Variants in ZNF710 observed in about 807,000 individuals in gnomAD.
The protein encoded by ZNF710 is zinc finger protein 710.
Under a neutral mutation model 50.6 loss-of-function variants are expected in ZNF710, and 13 were observed. That is an observed-to-expected ratio of 0.26 (90% CI 0.17 to 0.41). The LOEUF (loss-of-function observed/expected upper bound fraction) is 0.41. Ranked by LOEUF, ZNF710 falls within the 10% of genes least tolerant of loss-of-function variation. The pLI is 1.00. For missense variants in ZNF710, 721 were observed against 936.6 expected (o/e 0.77, Z 3.01); for synonymous variants, 383 against 397.0 (o/e 0.96, Z 0.42).
intron 1 of ZNF710, among the ~76,000 whole-genome samples, chr15:90,037,401 C>G (rs1319418439): frequency 6.6e-6 from 1 of 152,206 alleles, no homozygotes; most frequent in Non-Finnish European, 1.5e-5. Flanking sequence ...TGGGGCTTTT[C>G]TCCACTGATG....
At chr15:90,018,474 T>C (rs892795579) in intron 1 of ZNF710, among the ~76,000 whole-genome samples, 5 of 152,232 alleles carry the variant, frequency 3.3e-5, no homozygotes, top group African/African-American at 1.2e-4. Flanking sequence ...AGCTGGGGTT[T>C]TCCTACCGTG....
At chr15:90,000,500 G>A (rs1223781174), upstream of ZNF710, among the ~76,000 whole-genome samples, 1 of 151,980 alleles carries the variant, frequency 6.6e-6, no homozygotes, top group Non-Finnish European at 1.5e-5. Context: ...CAGGCCCTGG[G>A]CTCGGGGACC....
intron 1 of ZNF710, among the ~76,000 whole-genome samples, chr15:90,020,961 G>A (rs1405279881): frequency 2.6e-5 from 4 of 151,970 alleles, no homozygotes; most frequent in African/African-American, 7.3e-5. Flanking sequence ...GACCCACCAA[G>A]GGCATGAGTA....
chr15:90,042,996 C>T (rs745891848), intron 1 of ZNF710, among the ~76,000 whole-genome samples: 15 of 152,374 alleles, frequency 9.8e-5, no homozygotes, highest in Non-Finnish European at 1.8e-4. Context: ...CCAACCCACC[C>T]GCTTACCCTC....
intron 1 of ZNF710, among the ~76,000 whole-genome samples, chr15:90,043,993 A>C (rs996328292): frequency 2.6e-5 from 4 of 152,228 alleles, no homozygotes; most frequent in Admixed American, 6.5e-5. Flanking sequence ...TTTCAAGGGA[A>C]GAGACCAGTA....
intron 1 of ZNF710, among the ~76,000 whole-genome samples, chr15:90,031,294 G>A (rs1335636230): frequency 1.3e-5 from 2 of 152,110 alleles, no homozygotes; most frequent in Non-Finnish European, 2.9e-5. Flanking sequence ...ATAGACTCTC[G>A]GGATTGAAAT....
Position 90,073,223 on chromosome 15 carries a change from CAT to C in ZNF710, c.1612_1613del (p.Met538AspfsTer47). On this transcript the variant is annotated frameshift_variant, in exon 3 of 5. Coordinates refer to ENST00000268154, the MANE Select transcript of ZNF710 (RefSeq NM_198526.4). LOFTEE classifies it high-confidence loss of function. ...FVQKQTLKTHMIVHSPVKPFK... is the reference protein window; with the variant it reads ...FVQKQTLKTHXIVHSPVKPFK... Reference sequence around the variant, plus strand: ...TACAGAAGCAGACTCTCAAGACCCACATGATTGTACACTCGCCCGTGAAGCCA... The same window carrying C: ...TACAGAAGCAGACTCTCAAGACCCACGATTGTACACTCGCCCGTGAAGCCA... 1 of 1,614,204 alleles carries C rather than the reference CAT, an allele frequency of 6.2e-7. No individual in the cohort carries two copies. Among genetic ancestry groups the C allele is most frequent in the Non-Finnish European group, 8.5e-7 (1 of 1,180,020 alleles).
chr15:90,072,004 A>G (rs939356641), intron 2 of ZNF710, among the ~76,000 whole-genome samples: 3 of 150,576 alleles, frequency 2.0e-5, no homozygotes, highest in African/African-American at 7.4e-5. Flanking sequence ...GGGTCTTGCT[A>G]TGTTGTCCAC....
intron 1 of ZNF710, among the ~76,000 whole-genome samples, chr15:90,061,596 C>G (rs911640070): frequency 6.6e-6 from 1 of 152,192 alleles, no homozygotes; most frequent in African/African-American, 2.4e-5. Context: ...TTTTGGGTGT[C>G]TTCACCCACT....
intron 1 of ZNF710, among the ~76,000 whole-genome samples, chr15:90,026,663 T>C (rs1898790532): frequency 1.3e-5 from 2 of 152,278 alleles, no homozygotes; most frequent in African/African-American, 4.8e-5. Context: ...AATTCAATAA[T>C]ATATTAAACA....
intron 1 of ZNF710, among the ~76,000 whole-genome samples, chr15:90,047,229 G>A (rs1490652079): frequency 6.6e-6 from 1 of 152,212 alleles, no homozygotes; most frequent in African/African-American, 2.4e-5. Context: ...GCATCAAGGA[G>A]TCCAGCTCCT....
intron 1 of ZNF710, among the ~76,000 whole-genome samples, chr15:90,004,420 G>A (rs980964281): frequency 3.9e-5 from 6 of 152,206 alleles, no homozygotes; most frequent in South Asian, 2.1e-4. Flanking sequence ...GATGCTTGGC[G>A]CAGGCTCATA....
At chr15:90,036,378 AG>A (rs1030938544) in intron 1 of ZNF710, among the ~76,000 whole-genome samples, 2 of 152,002 alleles carry the variant, frequency 1.3e-5, no homozygotes, top group Non-Finnish European at 2.9e-5. Context: ...GAATGACACC[AG>A]GCGAGTGCTC....
rs538702197 is a variant in ZNF710 at position 90,038,306 on chromosome 15, CCTAA to C, written c.-28-28801_-28-28798del. On this transcript the variant is annotated intron_variant, in intron 1 of 4. Coordinates refer to ENST00000268154, the MANE Select transcript of ZNF710 (RefSeq NM_198526.4). Reference sequence around the variant, plus strand: ...AACTCACCCACGTGGTGTGTTTCCTCCTAACTCTTTAGTTTGAAATTTTCAAACT... The same window carrying C: ...AACTCACCCACGTGGTGTGTTTCCTCCTCTTTAGTTTGAAATTTTCAAACT... 4.7e-3 allele frequency among the ~76,000 whole-genome samples: 716 copies of C among 152,330 alleles called. 5 individuals carry two copies. The highest frequency in any genetic ancestry group is 0.017 in the African/African-American group (687 of 41,564).
intron 1 of ZNF710, among the ~76,000 whole-genome samples, chr15:90,031,467 C>T (rs1433527751): frequency 6.6e-6 from 1 of 152,194 alleles, no homozygotes; most frequent in African/African-American, 2.4e-5. Context: ...TCTCATTTGT[C>T]CTGTCTCCTT....
intron 1 of ZNF710, among the ~76,000 whole-genome samples, chr15:90,032,162 T>C (rs1358180428): frequency 6.6e-6 from 1 of 152,158 alleles, no homozygotes; most frequent in Non-Finnish European, 1.5e-5. Context: ...CACGCCTAGC[T>C]AATTTTTGTA....
intron 2 of ZNF710, among the ~76,000 whole-genome samples, chr15:90,070,016 C>T (rs1016691372): frequency 6.6e-6 from 1 of 152,226 alleles, no homozygotes; most frequent in Non-Finnish European, 1.5e-5. Context: ...AGAGCTTCCT[C>T]TCCCCATAAC....
At chr15:90,055,241 G>T (rs1382638428) in intron 1 of ZNF710, among the ~76,000 whole-genome samples, 1 of 152,214 alleles carries the variant, frequency 6.6e-6, no homozygotes, top group Non-Finnish European at 1.5e-5. Context: ...TGGTCAGGGT[G>T]GGGCAGGGGG....
At chr15:90,074,463 GAT>G (rs1900522479) in intron 4 of ZNF710, 173 bp downstream of exon 4, 2 of 1,532,092 alleles carry the variant, frequency 1.3e-6, no homozygotes, top group South Asian at 2.4e-5. Context: ...ATAACGATGG[GAT>G]ATTTATGTCT....
Sources: gnomAD v4.1 joint callset for allele counts (sites outside exome capture counted in the v4.1 genomes callset) on GRCh38, gnomAD v4.1.1 for gene constraint, MANE v1.5 for transcripts, NCBI Gene and HGNC (gene_info 2026-07-23, HGNC 2026-07-21) for gene names.